The following RGS8 variants were observed in gnomAD, a reference collection of about 807,000 sequenced individuals.
The protein encoded by RGS8 is regulator of G protein signaling 8.
In RGS8, 8 loss-of-function variants were observed where a neutral mutation model predicts 21.7. The observed-to-expected ratio is 0.37, with a 90% CI of 0.22 to 0.66. The LOEUF (loss-of-function observed/expected upper bound fraction) is 0.66, where lower values mean the gene tolerates loss of function less well. RGS8 is among the 30% of genes least tolerant of loss of function. RGS8 has a pLI of 0.59. For synonymous variants in RGS8, 80 were observed against 83.6 expected (o/e 0.96, Z 0.24); for missense variants, 157 against 217.9 (o/e 0.72, Z 1.76).
the RGS8 span, among the ~76,000 whole-genome samples, chr1:182,707,852 G>A: frequency 1.3e-5 from 2 of 151,954 alleles, no homozygotes; most frequent in African/African-American, 2.4e-5. Context: ...GACTACAGGC[G>A]CCCACCACCA....
At chr1:182,747,709 T>C in the RGS8 span, among the ~76,000 whole-genome samples, 4 of 152,120 alleles carry the variant, frequency 2.6e-5, no homozygotes, top group African/African-American at 9.7e-5. Flanking sequence ...AAAGCAACAT[T>C]GAAAGTTAGT....
chr1:182,680,555 A>G (rs1211872965), intron 1 of RGS8, among the ~76,000 whole-genome samples: 1 of 152,132 alleles, frequency 6.6e-6, no homozygotes, highest in African/African-American at 2.4e-5. Context: ...AGCACCTGGC[A>G]TAGCTAGGTA....
chr1:182,676,722 G>A (rs1664374395), upstream of RGS8, among the ~76,000 whole-genome samples: 1 of 152,192 alleles, frequency 6.6e-6, no homozygotes, highest in Non-Finnish European at 1.5e-5. Context: ...GTGTGCCCAT[G>A]AGGTTTTCAA....
the RGS8 span, among the ~76,000 whole-genome samples, chr1:182,726,307 C>T: frequency 6.6e-6 from 1 of 152,022 alleles, no homozygotes; most frequent in Non-Finnish European, 1.5e-5. Flanking sequence ...CCTGGTTAAC[C>T]CTCTTTCCTC....
intron 5 of RGS8, among the ~76,000 whole-genome samples, chr1:182,665,758 G>C (rs1399521415): frequency 2.0e-5 from 3 of 152,118 alleles, no homozygotes; most frequent in Non-Finnish European, 4.4e-5. Flanking sequence ...TTTGAACCCA[G>C]AAAACAGAAA....
At chr1:182,723,422 G>C in the RGS8 span, among the ~76,000 whole-genome samples, 1 of 152,152 alleles carries the variant, frequency 6.6e-6, no homozygotes, top group African/African-American at 2.4e-5. Flanking sequence ...TTACTACATG[G>C]GCCTGGCTCC....
At chr1:182,689,222 A>ATC (rs138588158), upstream of RGS8, among the ~76,000 whole-genome samples, 41 of 145,770 alleles carry the variant, frequency 2.8e-4, no homozygotes, top group East Asian at 6.1e-4. Flanking sequence ...CCCTAACAGC[A>ATC]TCTCTCTCTC....
chr1:182,720,031 G>A, the RGS8 span, among the ~76,000 whole-genome samples: 3 of 152,276 alleles, frequency 2.0e-5, no homozygotes, highest in African/African-American at 7.2e-5. Context: ...TCAGAAATAT[G>A]TTTAGATGAT....
At chr1:182,688,073 T>C (rs1354791185), upstream of RGS8, among the ~76,000 whole-genome samples, 1 of 152,248 alleles carries the variant, frequency 6.6e-6, no homozygotes, top group Non-Finnish European at 1.5e-5. Context: ...TCTGCCATTG[T>C]GCAAATCTCT....
chr1:182,730,646 G>T, the RGS8 span, among the ~76,000 whole-genome samples: 1 of 151,622 alleles, frequency 6.6e-6, no homozygotes, highest in Non-Finnish European at 1.5e-5. Context: ...GGAGACGGGG[G>T]TTGCAGTGAG....
chr1:182,741,101 G>A, the RGS8 span, among the ~76,000 whole-genome samples: 1 of 151,742 alleles, frequency 6.6e-6, no homozygotes, highest in Admixed American at 6.6e-5. Flanking sequence ...TGGCCGGGCA[G>A]AGGGGCTCCT....
chr1:182,642,927 A>G (rs2102398514), downstream of RGS8: 1 of 152,302 alleles, frequency 6.6e-6, no homozygotes, highest in Non-Finnish European at 1.5e-5. Flanking sequence ...TTCACTCACC[A>G]CTTGAGTGGG....
At chr1:182,739,593 G>C in the RGS8 span, among the ~76,000 whole-genome samples, 1 of 152,078 alleles carries the variant, frequency 6.6e-6, no homozygotes, top group Non-Finnish European at 1.5e-5. Flanking sequence ...TTGTATTTGA[G>C]GACTGCCTTG....
At chr1:182,720,862 C>CATATATACACATATATGTAT in the RGS8 span, among the ~76,000 whole-genome samples, 1 of 145,042 alleles carries the variant, frequency 6.9e-6, no homozygotes. Context: ...CATATATATA[C>CATATATACACATATATGTAT]ATATATACAC....
the RGS8 span, among the ~76,000 whole-genome samples, chr1:182,703,124 G>A: frequency 6.6e-6 from 1 of 152,212 alleles, no homozygotes; most frequent in African/African-American, 2.4e-5. Flanking sequence ...TCTTATCTGA[G>A]TAAATAATCC....
At chr1:182,654,805 T>C (rs1259554457) in intron 5 of RGS8, among the ~76,000 whole-genome samples, 1 of 152,204 alleles carries the variant, frequency 6.6e-6, no homozygotes, top group Non-Finnish European at 1.5e-5. Flanking sequence ...TTTAATTTGA[T>C]GGTGCATCTA....
chr1:182,667,571 A>G (rs187608270), intron 3 of RGS8, among the ~76,000 whole-genome samples: 296 of 152,328 alleles, frequency 1.9e-3, no homozygotes, highest in African/African-American at 6.7e-3. Flanking sequence ...TACAATCAGC[A>G]ATTAAGAACC....
intron 5 of RGS8, among the ~76,000 whole-genome samples, chr1:182,663,173 C>T (rs553578978): frequency 1.4e-4 from 22 of 152,174 alleles, no homozygotes; most frequent in African/African-American, 4.3e-4. Flanking sequence ...TCCTAAGAGA[C>T]GAGCACACGT....
chr1:182,655,623 C>G (rs921015817), intron 5 of RGS8, among the ~76,000 whole-genome samples: 18 of 152,198 alleles, frequency 1.2e-4, no homozygotes, highest in Non-Finnish European at 1.9e-4. Flanking sequence ...CTATCATTAA[C>G]TGTGTGACTT....
Sources: gnomAD v4.1 joint callset for allele counts (sites outside exome capture counted in the v4.1 genomes callset) on GRCh38, gnomAD v4.1.1 for gene constraint, MANE v1.5 for transcripts, NCBI Gene and HGNC (gene_info 2026-07-23, HGNC 2026-07-21) for gene names.